The following CCDC102B variants were observed in gnomAD, a reference collection of about 807,000 sequenced individuals.
The protein encoded by CCDC102B is coiled-coil domain-containing protein 102B.
CCDC102B carries 75 observed loss-of-function variants against 57.4 expected under a neutral mutation model. The observed-to-expected ratio is 1.31, with a 90% CI of 1.08 to 1.58. The LOEUF is 1.58. Ranked by LOEUF, CCDC102B falls within the 40% of genes most tolerant of loss-of-function variation. The pLI is 0.00. For synonymous variants in CCDC102B, 206 were observed against 201.9 expected, an observed-to-expected ratio of 1.02 and a Z score of -0.17; for missense variants, 636 against 582.6, an observed-to-expected ratio of 1.09 and a Z score of -0.94.
intron 2 of CCDC102B, among the ~76,000 whole-genome samples, chr18:68,743,701 T>C (rs549561716): frequency 1.3e-5 from 2 of 152,180 alleles, no homozygotes; most frequent in South Asian, 4.1e-4. Context: ...TTTGGAGAGG[T>C]TGAGGGAAGA....
Position 68,939,388 on chromosome 18 carries a change from G to C in CCDC102B, c.1263+41960G>C, listed in dbSNP as rs140050057. Among the ~76,000 whole-genome samples, 502 of 151,566 alleles carry C rather than the reference G, an allele frequency of 3.3e-3. 8 individuals carry two copies. Among genetic ancestry groups the C allele is most frequent in the African/African-American group, 0.011 (473 of 41,438 alleles). On this transcript the variant is annotated intron_variant, in intron 6 of 7. Transcript: ENST00000360242. ...TTATGTTTGAACCACAATTTCAGGGGTATTTTTTAATATATAACTTTTTAT... is the reference window on the plus strand; with the variant it reads ...TTATGTTTGAACCACAATTTCAGGGCTATTTTTTAATATATAACTTTTTAT...
intron 7 of CCDC102B, among the ~76,000 whole-genome samples, chr18:69,016,553 T>C (rs1042119218): frequency 1.3e-5 from 2 of 152,216 alleles, no homozygotes; most frequent in African/African-American, 4.8e-5. Flanking sequence ...CGTGTTACCT[T>C]AGTGTATGGG....
chr18:69,052,119 G>A (rs2052721830), intron 7 of CCDC102B, among the ~76,000 whole-genome samples: 1 of 151,462 alleles, frequency 6.6e-6, no homozygotes, highest in African/African-American at 2.4e-5. Flanking sequence ...GGAATAGTAT[G>A]AACATTATAA....
intron 6 of CCDC102B, among the ~76,000 whole-genome samples, chr18:68,972,033 TG>T (rs2050314805): frequency 6.6e-6 from 1 of 152,068 alleles, no homozygotes; most frequent in African/African-American, 2.4e-5. Context: ...ACCACATGCT[TG>T]GAAAGGATAT....
chr18:68,846,133 A>T (rs997331306), intron 3 of CCDC102B, among the ~76,000 whole-genome samples, 180 bp from the exon 4 acceptor site: 1 of 151,876 alleles, frequency 6.6e-6, no homozygotes, highest in Admixed American at 6.6e-5. Context: ...CAGAATAATA[A>T]ACTAAAATAC....
intron 2 of CCDC102B, among the ~76,000 whole-genome samples, chr18:68,750,421 G>A (rs1030834384): frequency 6.6e-6 from 1 of 152,146 alleles, no homozygotes; most frequent in East Asian, 1.9e-4. Context: ...AATACGATTT[G>A]ACCCAGCCAT....
At chr18:68,787,207 A>G (rs2144649767) in intron 2 of CCDC102B, among the ~76,000 whole-genome samples, 1 of 150,620 alleles carries the variant, frequency 6.6e-6, no homozygotes, top group African/African-American at 2.5e-5. Flanking sequence ...AAGCTTTTTG[A>G]TGTGCTGCTG....
chr18:68,920,807 G>T (rs771583083), intron 6 of CCDC102B, among the ~76,000 whole-genome samples: 34 of 152,210 alleles, frequency 2.2e-4, no homozygotes, highest in African/African-American at 5.1e-4. Flanking sequence ...GGACCACATA[G>T]GGGAAACTGA....
chr18:68,915,516 A>G (rs1313013630), intron 6 of CCDC102B, among the ~76,000 whole-genome samples: 11 of 152,224 alleles, frequency 7.2e-5, no homozygotes, highest in Admixed American at 6.5e-5. Context: ...CTTTGGCTGT[A>G]TATACAATAT....
intron 7 of CCDC102B, among the ~76,000 whole-genome samples, chr18:69,047,639 C>T (rs1453281564): frequency 6.6e-6 from 1 of 152,060 alleles, no homozygotes; most frequent in African/African-American, 2.4e-5. Flanking sequence ...TCTAAAAAAA[C>T]CTCATCATCT....
intron 6 of CCDC102B, among the ~76,000 whole-genome samples, chr18:68,937,308 G>A (rs1456609836): frequency 6.6e-6 from 1 of 152,004 alleles, no homozygotes; most frequent in Non-Finnish European, 1.5e-5. Flanking sequence ...CGTGGCACCA[G>A]ATAAGCCTCA....
chr18:68,879,294 T>C (rs184698656), intron 5 of CCDC102B, among the ~76,000 whole-genome samples: 4 of 152,246 alleles, frequency 2.6e-5, no homozygotes, highest in African/African-American at 7.2e-5. Context: ...ATAAAAGCAG[T>C]GTAGACCCAA....
At chr18:68,912,671 A>G (rs1424572477) in intron 6 of CCDC102B, among the ~76,000 whole-genome samples, 2 of 152,230 alleles carry the variant, frequency 1.3e-5, no homozygotes, top group East Asian at 1.9e-4. Context: ...TGTGTGGTCC[A>G]ACTTATAAGA....
chr18:69,023,577 T>C (rs1458610815), intron 7 of CCDC102B, among the ~76,000 whole-genome samples: 1 of 151,866 alleles, frequency 6.6e-6, no homozygotes, highest in Admixed American at 6.6e-5. Flanking sequence ...AATATAATTA[T>C]GTTCTTATCA....
chr18:68,863,298 GTTTGCTA>G (rs1278501614), intron 4 of CCDC102B, among the ~76,000 whole-genome samples: 2 of 151,546 alleles, frequency 1.3e-5, no homozygotes, highest in Non-Finnish European at 3.0e-5. Flanking sequence ...CTGTAGTATT[GTTTGCTA>G]TTTTACTCTA....
At chr18:68,732,149 G>T (rs181230532) in intron 2 of CCDC102B, among the ~76,000 whole-genome samples, 4 of 151,166 alleles carry the variant, frequency 2.6e-5, no homozygotes, top group African/African-American at 9.7e-5. Flanking sequence ...ACTGCTTCAG[G>T]GGGGAATCTT....
intron 2 of CCDC102B, chr18:68,721,503 C>T (rs938681132): frequency 6.6e-6 from 1 of 152,048 alleles, no homozygotes; most frequent in Non-Finnish European, 1.5e-5. Flanking sequence ...TTCTTTCACT[C>T]AACATGAAGC....
chr18:68,861,138 A>AAT (rs753009650), intron 4 of CCDC102B, among the ~76,000 whole-genome samples: 9 of 3,076 alleles, frequency 2.9e-3, no homozygotes, highest in Non-Finnish European at 2.7e-3. Flanking sequence ...AAAACATAAT[A>AAT]AAAAAAAAAA....
At chr18:68,932,634 A>G (rs2041714211) in intron 6 of CCDC102B, among the ~76,000 whole-genome samples, 1 of 151,960 alleles carries the variant, frequency 6.6e-6, no homozygotes, top group Non-Finnish European at 1.5e-5. Context: ...ATTCAACAAT[A>G]TCTTAGTTTG....
Sources: gnomAD v4.1 joint callset for allele counts (sites outside exome capture counted in the v4.1 genomes callset) on GRCh38, gnomAD v4.1.1 for gene constraint, MANE v1.5 for transcripts, NCBI Gene and HGNC (gene_info 2026-07-23, HGNC 2026-07-21) for gene names.